Variants in ADAMTSL1 observed in about 807,000 individuals in gnomAD.
The protein encoded by ADAMTSL1 is ADAMTS-like protein 1.
A neutral mutation model predicts 201.8 loss-of-function variants in ADAMTSL1; 126 were observed. The ratio of observed to expected loss-of-function variants is 0.62; its 90% confidence interval spans 0.54 to 0.72. The LOEUF (loss-of-function observed/expected upper bound fraction) is 0.72, where lower values mean the gene tolerates loss of function less well. ADAMTSL1 is among the 30% of genes least tolerant of loss of function. The pLI is 0.00. For synonymous variants in ADAMTSL1, 1,121 were observed against 903.4 expected (o/e 1.24, Z -4.32); for missense variants, 2,679 against 2,277.8 (o/e 1.18, Z -3.59).
chr9:18,020,891 C>T (rs1820454547), intron 1 of ADAMTSL1, among the ~76,000 whole-genome samples: 1 of 152,074 alleles, frequency 6.6e-6, no homozygotes, highest in African/African-American at 2.4e-5. Flanking sequence ...TGTTTAAAAG[C>T]CATGATTATA....
At chr9:18,417,389 A>G (rs909658967) in intron 2 of ADAMTSL1, among the ~76,000 whole-genome samples, 2 of 150,978 alleles carry the variant, frequency 1.3e-5, no homozygotes, top group Admixed American at 6.6e-5. Flanking sequence ...AAAGAAAAAA[A>G]AAACAAAGAT....
intron 2 of ADAMTSL1, among the ~76,000 whole-genome samples, chr9:18,359,980 C>A (rs986988015): frequency 3.3e-5 from 5 of 151,986 alleles, no homozygotes; most frequent in African/African-American, 7.3e-5. Flanking sequence ...ATAATGTTAA[C>A]CCTCCATAAT....
intron 2 of ADAMTSL1, among the ~76,000 whole-genome samples, chr9:18,192,755 C>T (rs1484357296): frequency 1.3e-5 from 2 of 151,862 alleles, no homozygotes; most frequent in African/African-American, 2.4e-5. Context: ...AGTGCAAAAC[C>T]AAAAATATAC....
At chr9:18,518,934 G>C (rs1818523302) in intron 2 of ADAMTSL1, among the ~76,000 whole-genome samples, 1 of 152,054 alleles carries the variant, frequency 6.6e-6, no homozygotes, top group South Asian at 2.1e-4. Flanking sequence ...TTTTCTAAAA[G>C]TAAAAGAGGC....
At chr9:17,966,555 T>G (rs1326088159) in intron 1 of ADAMTSL1, among the ~76,000 whole-genome samples, 2 of 152,156 alleles carry the variant, frequency 1.3e-5, no homozygotes, top group Non-Finnish European at 2.9e-5. Flanking sequence ...CAACAAAATG[T>G]GATTGAGCAG....
At chr9:18,167,104 G>A (rs1174548855) in intron 2 of ADAMTSL1, among the ~76,000 whole-genome samples, 1 of 151,918 alleles carries the variant, frequency 6.6e-6, no homozygotes, top group Admixed American at 6.6e-5. Context: ...TGCATTGTTT[G>A]CAGAGAAGAA....
At chr9:18,569,642 A>T (rs376524240) in intron 3 of ADAMTSL1, among the ~76,000 whole-genome samples, 10 of 152,118 alleles carry the variant, frequency 6.6e-5, no homozygotes, top group Admixed American at 2.0e-4. Context: ...CTCCCACACT[A>T]TATTTTTTGC....
At chr9:18,069,160 T>C (rs902244313) in intron 1 of ADAMTSL1, among the ~76,000 whole-genome samples, 2 of 152,078 alleles carry the variant, frequency 1.3e-5, no homozygotes, top group African/African-American at 2.4e-5. Context: ...TGAATTAGGA[T>C]GTGCTTTAAG....
intron 16 of ADAMTSL1, among the ~76,000 whole-genome samples, chr9:18,765,022 C>G (rs1479585670): frequency 6.6e-6 from 1 of 152,154 alleles, no homozygotes; most frequent in East Asian, 1.9e-4. Flanking sequence ...TGTTCATTAT[C>G]TACTTCCTCA....
intron 2 of ADAMTSL1, among the ~76,000 whole-genome samples, chr9:18,526,538 G>A (rs1489017616): frequency 6.6e-6 from 1 of 152,190 alleles, no homozygotes; most frequent in African/African-American, 2.4e-5. Flanking sequence ...CAGCATCAAT[G>A]GTCTTTACAA....
At chr9:18,181,294 A>G (rs1385150107) in intron 2 of ADAMTSL1, among the ~76,000 whole-genome samples, 1 of 152,226 alleles carries the variant, frequency 6.6e-6, no homozygotes, top group South Asian at 2.1e-4. Flanking sequence ...ATGGGATCTC[A>G]TTAAACTAAA....
chr9:18,428,728 C>G (rs182259375), intron 2 of ADAMTSL1, among the ~76,000 whole-genome samples: 1 of 152,252 alleles, frequency 6.6e-6, no homozygotes, highest in East Asian at 1.9e-4. Flanking sequence ...GATTTTTGAC[C>G]ATTTCAACTG....
chr9:18,715,327 A>G (rs1332334375), intron 14 of ADAMTSL1, among the ~76,000 whole-genome samples: 4 of 152,082 alleles, frequency 2.6e-5, no homozygotes, highest in Non-Finnish European at 5.9e-5. Context: ...ATGATTGTAT[A>G]TCTAGAAATC....
At chr9:18,811,485 C>G (rs1049415854) in intron 20 of ADAMTSL1, among the ~76,000 whole-genome samples, 5 of 152,200 alleles carry the variant, frequency 3.3e-5, no homozygotes, top group African/African-American at 9.7e-5. Flanking sequence ...AACTCCCACT[C>G]CTGCCCAGCA....
At chr9:17,975,713 A>T (rs1818420804) in intron 1 of ADAMTSL1, among the ~76,000 whole-genome samples, 1 of 151,968 alleles carries the variant, frequency 6.6e-6, no homozygotes, top group Non-Finnish European at 1.5e-5. Flanking sequence ...CTGCACAGAA[A>T]TTTTTTAGTT....
intron 15 of ADAMTSL1, among the ~76,000 whole-genome samples, chr9:18,734,449 T>G (rs1482695015): frequency 6.6e-6 from 1 of 152,192 alleles, no homozygotes; most frequent in Non-Finnish European, 1.5e-5. Flanking sequence ...GGTGGGCATT[T>G]TCTACTGGTT....
At chr9:18,096,996 C>A (rs1824280752) in intron 1 of ADAMTSL1, among the ~76,000 whole-genome samples, 1 of 152,156 alleles carries the variant, frequency 6.6e-6, no homozygotes, top group South Asian at 2.1e-4. Context: ...GATGAGATTT[C>A]TTAAATGTAT....
chr9:18,712,189 G>A (rs200707229), intron 14 of ADAMTSL1, among the ~76,000 whole-genome samples: 34 of 152,164 alleles, frequency 2.2e-4, no homozygotes, highest in Non-Finnish European at 4.3e-4. Context: ...AAAGCAGAGC[G>A]CCTCTCCTCC....
rs139643748 is a variant in ADAMTSL1, at chr9:18,288,313, C to T, written c.207+124332C>T. Among the ~76,000 whole-genome samples the T allele has an allele frequency of 8.6e-4, 131 of 152,178 alleles. 1 individual carries two copies. Among genetic ancestry groups the T allele is most frequent in the African/African-American group, 3.1e-3 (127 of 41,534 alleles). ...TCAAGAAAGAACCAAGTTGGGCGCA[C>T]CATCTGGAGAAATCCTCTGGAGAAG... On this transcript the variant is annotated intron_variant, in intron 2 of 29. Transcript: ENST00000680146.
Sources: gnomAD v4.1 joint callset for allele counts (sites outside exome capture counted in the v4.1 genomes callset) on GRCh38, gnomAD v4.1.1 for gene constraint, MANE v1.5 for transcripts, NCBI Gene and HGNC (gene_info 2026-07-23, HGNC 2026-07-21) for gene names.